The following TMEM200A variants were observed in gnomAD, a reference collection of about 807,000 sequenced individuals.
TMEM200A encodes transmembrane protein 200A, also known as two transmembrane C.
A neutral mutation model predicts 24.3 loss-of-function variants in TMEM200A; 12 were observed. The observed-to-expected ratio is 0.49, with a 90% CI of 0.32 to 0.80. The LOEUF (loss-of-function observed/expected upper bound fraction) is 0.80, where lower values mean the gene tolerates loss of function less well. TMEM200A is among the 30% of genes least tolerant of loss of function. The pLI is 0.04. For missense variants in TMEM200A, 545 were observed against 614.4 expected, an observed-to-expected ratio of 0.89 and a Z score of 1.19; for synonymous variants, 224 against 224.4, an observed-to-expected ratio of 1.00 and a Z score of 0.02.
rs184731515 is a variant in TMEM200A at position 130,442,093 on chromosome 6, C to T, written c.*195C>T. ...GACTGCAGTACTCTATGTTACCACA[C>T]ATGATTTTATTTTTCTCTTCCTTTG... is the stretch of plus-strand genomic sequence containing the variant. On this transcript the variant is annotated 3_prime_UTR_variant, in exon 3 of 3. Transcript: ENST00000296978. The T allele has an allele frequency of 4.5e-6, 2 of 447,496 alleles. No individual in the cohort carries two copies. Among genetic ancestry groups the T allele is most frequent in the Admixed American group, 3.9e-5 (1 of 25,374 alleles). The allele number at this position is 447,496 out of a possible 1,614,324, so 27.7% of individuals were successfully genotyped here.
chr6:130,406,889 T>A (rs2115148301), intron 2 of TMEM200A, among the ~76,000 whole-genome samples: 1 of 152,346 alleles, frequency 6.6e-6, no homozygotes, highest in Non-Finnish European at 1.5e-5. Flanking sequence ...TCTTGATGGC[T>A]GATCTCTCCA....
intron 2 of TMEM200A, among the ~76,000 whole-genome samples, chr6:130,405,032 A>G (rs1280765433): frequency 6.6e-6 from 1 of 152,176 alleles, no homozygotes; most frequent in African/African-American, 2.4e-5. Context: ...TTTTGGTACC[A>G]GTACCATGCT....
Position 130,440,713 on chromosome 6 carries a change from G to T in TMEM200A, c.291G>T (p.Leu97=), listed in dbSNP as rs1479528436. The change falls in exon 3 of 3, where the codon CTG becomes CTT. Residue 97 remains leucine (L), a synonymous_variant. Coordinates refer to ENST00000296978, the MANE Select transcript of TMEM200A (RefSeq NM_001258277.2). ...KEHFIDAETT[L]STNETQVIRN... ...ATTTTATTGATGCTGAAACAACACT[G>T]TCAACAAATGAAACTCAGGTCATTC... 6.2e-7 allele frequency: 1 copy of T among 1,614,072 alleles called. No homozygotes were observed. Among genetic ancestry groups the T allele is most frequent in the Non-Finnish European group, 8.5e-7 (1 of 1,179,996 alleles).
chr6:130,397,208 G>T (rs1181060638), intron 2 of TMEM200A, among the ~76,000 whole-genome samples: 1 of 152,046 alleles, frequency 6.6e-6, no homozygotes, highest in Non-Finnish European at 1.5e-5. Flanking sequence ...CAATATTGCA[G>T]AGGACCTCAT....
chr6:130,380,403 A>G (rs1286663628), intron 1 of TMEM200A, among the ~76,000 whole-genome samples: 3 of 152,244 alleles, frequency 2.0e-5, no homozygotes, highest in African/African-American at 4.8e-5. Context: ...TAAAGCCACA[A>G]ATAAAAGTTT....
chr6:130,368,630 G>A (rs1159892709), intron 1 of TMEM200A, among the ~76,000 whole-genome samples: 2 of 152,210 alleles, frequency 1.3e-5, no homozygotes, highest in Non-Finnish European at 2.9e-5. Flanking sequence ...GAAAACATCA[G>A]TGAGTGCTTA....
chr6:130,433,947 A>C (rs78799730), intron 2 of TMEM200A, among the ~76,000 whole-genome samples: 1 of 152,150 alleles, frequency 6.6e-6, no homozygotes, highest in Non-Finnish European at 1.5e-5. Flanking sequence ...AACTGCCACC[A>C]CTTCTTGGAA....
At chr6:130,426,316 G>C (rs9492587) in intron 2 of TMEM200A, among the ~76,000 whole-genome samples, 15 of 151,948 alleles carry the variant, frequency 9.9e-5, no homozygotes, top group Admixed American at 1.3e-4. Context: ...TGTGCAGCAC[G>C]CAAAAGATGA....
rs114852776 is a variant in TMEM200A, at chr6:130,392,742, C to T, written c.-17+7506C>T. On this transcript the variant is annotated intron_variant, in intron 2 of 2. Transcript: ENST00000296978. ...AAGCATTTCTTCATCTTACAAGCAA[C>T]ACCTAACCACCCTTCCCTGAGATCA... Among the ~76,000 whole-genome samples, 719 of 152,308 alleles carry T rather than the reference C, an allele frequency of 4.7e-3. 5 individuals carry two copies. The highest frequency in any genetic ancestry group is 0.016 in the African/African-American group (676 of 41,560).
intron 1 of TMEM200A, among the ~76,000 whole-genome samples, chr6:130,373,836 A>G (rs1357494519): frequency 6.6e-6 from 1 of 152,192 alleles, no homozygotes; most frequent in Non-Finnish European, 1.5e-5. Flanking sequence ...GTTATGACTG[A>G]CAGTGCATGG....
intron 2 of TMEM200A, among the ~76,000 whole-genome samples, chr6:130,420,508 C>T (rs1365728140): frequency 2.0e-5 from 3 of 152,150 alleles, no homozygotes; most frequent in African/African-American, 7.2e-5. Flanking sequence ...CATCTCTCCA[C>T]TCACATTTTT....
intron 2 of TMEM200A, among the ~76,000 whole-genome samples, chr6:130,416,239 CATT>C (rs1779445956): frequency 6.6e-6 from 1 of 151,978 alleles, no homozygotes; most frequent in Admixed American, 6.6e-5. Context: ...CTAAGAAAAA[CATT>C]ATTATGATTC....
At position 130,441,144 on chromosome 6, in the gene TMEM200A, A is replaced by G. The variant is rs747260544; in HGVS notation, c.722A>G (p.His241Arg). The change falls in exon 3 of 3, where the codon CAT (histidine) becomes CGT (arginine). Residue 241 changes from histidine to arginine, a missense_variant. Coordinates refer to ENST00000296978, the MANE Select transcript of TMEM200A (RefSeq NM_001258277.2). ...LMLNEGKSSG[H>R]LMPPLLSDSS... is the part of the protein sequence containing the mutation. ...TTAAATGAAGGTAAGAGTTCTGGGC[A>G]TCTTATGCCCCCTTTGCTCTCTGAC... The G allele has an allele frequency of 1.2e-6, 2 of 1,614,066 alleles. No homozygotes were observed. The highest frequency in any genetic ancestry group is 1.3e-5 in the African/African-American group (1 of 75,048).
chr6:130,412,979 A>G (rs73626733), intron 2 of TMEM200A, among the ~76,000 whole-genome samples: 2,656 of 152,328 alleles, frequency 0.017, 76 homozygotes, highest in African/African-American at 0.057. Context: ...TATTTATAAC[A>G]TATCTTCTGT....
chr6:130,431,183 A>C (rs891905095), intron 2 of TMEM200A, among the ~76,000 whole-genome samples: 1 of 152,204 alleles, frequency 6.6e-6, no homozygotes, highest in Non-Finnish European at 1.5e-5. Flanking sequence ...CCTGTAGGAA[A>C]GCCAACAGTG....
chr6:130,368,166 T>G (rs748736182), intron 1 of TMEM200A, among the ~76,000 whole-genome samples: 7 of 152,230 alleles, frequency 4.6e-5, no homozygotes, highest in Non-Finnish European at 8.8e-5. Flanking sequence ...ATTGTTATAT[T>G]TGGACTTGTG....
chr6:130,371,595 G>C (rs954124350), intron 1 of TMEM200A, among the ~76,000 whole-genome samples: 3 of 152,166 alleles, frequency 2.0e-5, no homozygotes, highest in African/African-American at 7.2e-5. Context: ...GAGGTTATTA[G>C]GGTGAAAGTG....
chr6:130,368,744 G>T (rs1301606114), intron 1 of TMEM200A, among the ~76,000 whole-genome samples: 1 of 152,190 alleles, frequency 6.6e-6, no homozygotes, highest in Non-Finnish European at 1.5e-5. Context: ...CAGCTGAGGT[G>T]GTCTGAGAGC....
At chr6:130,397,229 A>G (rs940836696) in intron 2 of TMEM200A, among the ~76,000 whole-genome samples, 2 of 152,110 alleles carry the variant, frequency 1.3e-5, no homozygotes, top group Admixed American at 6.6e-5. Flanking sequence ...ATCTCCTTAC[A>G]CATGTAAGAT....
Sources: allele counts gnomAD v4.1 joint callset (sites outside exome capture counted in the v4.1 genomes callset), GRCh38; gene constraint gnomAD v4.1.1; transcripts MANE v1.5; gene names NCBI Gene and HGNC (gene_info 2026-07-23, HGNC 2026-07-21).